Variants in DGKI observed in about 807,000 individuals in gnomAD.
DGKI encodes the protein diacylglycerol kinase iota, also known as DAG kinase iota.
A neutral mutation model predicts 147.5 loss-of-function variants in DGKI; 55 were observed. The observed-to-expected ratio is 0.37, with a 90% CI of 0.30 to 0.47. The LOEUF is 0.47. Ranked by LOEUF, DGKI falls within the 20% of genes least tolerant of loss-of-function variation. The pLI is 1.00. For synonymous variants in DGKI, 469 were observed against 477.1 expected, an observed-to-expected ratio of 0.98 and a Z score of 0.22; for missense variants, 1,007 against 1,323.8, an observed-to-expected ratio of 0.76 and a Z score of 3.71.
At chr7:137,443,266 A>T (rs1372658295) in intron 28 of DGKI, among the ~76,000 whole-genome samples, 5 of 152,192 alleles carry the variant, frequency 3.3e-5, no homozygotes, top group African/African-American at 1.2e-4. Context: ...TCTAGAGGCC[A>T]TCGGAGCAGA....
At chr7:137,725,624 A>AT (rs1184393448) in intron 1 of DGKI, among the ~76,000 whole-genome samples, 28 of 151,930 alleles carry the variant, frequency 1.8e-4, no homozygotes, top group African/African-American at 5.8e-4. Flanking sequence ...AGGTTGTGAT[A>AT]TTTTTCTCAT....
In DGKI at chr7:137,689,954, G is replaced by C; in HGVS notation, c.450C>G (p.Pro150=). ...AGLQHLAPAH[P]LSLPVANGPA... ...GACCATTTGCCACAGGAAGGCTGAG[G>C]GGATGTGCAGGAGCCAGATGCTGGA... Residue 150 remains proline (P), a synonymous_variant, in exon 2 of 33, where the codon CCC becomes CCG. Coordinates refer to ENST00000614521, the MANE Select transcript of DGKI (RefSeq NM_001321708.2). The C allele has an allele frequency of 6.2e-7, 1 of 1,609,966 alleles. No individual in the cohort carries two copies. The highest frequency in any genetic ancestry group is 8.5e-7 in the Non-Finnish European group (1 of 1,178,242).
intron 3 of DGKI, among the ~76,000 whole-genome samples, chr7:137,663,979 C>T (rs1399428761): frequency 6.6e-6 from 1 of 152,128 alleles, no homozygotes; most frequent in African/African-American, 2.4e-5. Flanking sequence ...AGACAAAACC[C>T]CCACCGGGAC....
intron 1 of DGKI, among the ~76,000 whole-genome samples, chr7:137,811,727 T>A (rs1797590312): frequency 6.6e-6 from 1 of 152,224 alleles, no homozygotes; most frequent in Admixed American, 6.5e-5. Context: ...TCTGATTCCA[T>A]ACTGAAGAAG....
At chr7:137,610,064 T>G (rs1304964994) in intron 8 of DGKI, among the ~76,000 whole-genome samples, 1 of 152,096 alleles carries the variant, frequency 6.6e-6, no homozygotes, top group Non-Finnish European at 1.5e-5. Flanking sequence ...TTTGTTTTTT[T>G]TTTCTTAGTT....
chr7:137,620,464 C>G (rs1217559889), intron 7 of DGKI, among the ~76,000 whole-genome samples: 1 of 152,060 alleles, frequency 6.6e-6, no homozygotes, highest in Non-Finnish European at 1.5e-5. Context: ...GATATAAATC[C>G]TCCCAGGTTG....
At chr7:137,676,004 C>A (rs1823024562) in intron 3 of DGKI, among the ~76,000 whole-genome samples, 1 of 152,178 alleles carries the variant, frequency 6.6e-6, no homozygotes, top group African/African-American at 2.4e-5. Context: ...ATCCCCTAAA[C>A]CAACTTGGGC....
intron 27 of DGKI, among the ~76,000 whole-genome samples, chr7:137,453,938 T>TA (rs397781573): frequency 6.6e-6 from 1 of 151,770 alleles, no homozygotes; most frequent in Non-Finnish European, 1.5e-5. Flanking sequence ...TTTTTTTTTT[T>TA]AAATAGATTC....
intron 1 of DGKI, among the ~76,000 whole-genome samples, chr7:137,815,327 C>T (rs1797706707): frequency 6.6e-6 from 1 of 152,170 alleles, no homozygotes; most frequent in Admixed American, 6.6e-5. Context: ...ATTTGAGTTG[C>T]TGGCCCAGCT....
intron 15 of DGKI, among the ~76,000 whole-genome samples, chr7:137,579,886 C>G (rs1403449306): frequency 6.6e-6 from 1 of 152,072 alleles, no homozygotes; most frequent in African/African-American, 2.4e-5. Context: ...TTTGCATATT[C>G]CACTCTAAAA....
At chr7:137,541,189 C>T (rs1817689735) in intron 20 of DGKI, among the ~76,000 whole-genome samples, 1 of 152,042 alleles carries the variant, frequency 6.6e-6, no homozygotes, top group African/African-American at 2.4e-5. Context: ...AAGGCATAAG[C>T]CATAGGTCAA....
intron 5 of DGKI, among the ~76,000 whole-genome samples, chr7:137,650,655 G>T (rs1821993511): frequency 6.6e-6 from 1 of 152,194 alleles, no homozygotes; most frequent in Admixed American, 6.5e-5. Context: ...AGAATACAAT[G>T]AGAAGGTGGC....
chr7:137,487,724 C>G, intron 21 of DGKI, 35 bp from the exon 22 acceptor site: 2 of 1,574,810 alleles, frequency 1.3e-6, no homozygotes, highest in Non-Finnish European at 1.7e-6. Context: ...TCTAAAATAA[C>G]ATATTTGATT....
intron 27 of DGKI, among the ~76,000 whole-genome samples, chr7:137,450,805 T>A (rs948201986): frequency 6.6e-6 from 1 of 151,326 alleles, no homozygotes; most frequent in African/African-American, 2.4e-5. Context: ...ATATATATAT[T>A]TTACTTTGGA....
intron 20 of DGKI, among the ~76,000 whole-genome samples, chr7:137,535,995 G>A (rs560060531): frequency 2.4e-4 from 37 of 152,194 alleles, no homozygotes; most frequent in African/African-American, 8.2e-4. Flanking sequence ...AACAACACTT[G>A]AACTATAAAC....
intron 12 of DGKI, among the ~76,000 whole-genome samples, chr7:137,595,781 A>G (rs1172176190): frequency 6.6e-6 from 1 of 152,038 alleles, no homozygotes; most frequent in Admixed American, 6.6e-5. Flanking sequence ...AGGCAGGTGG[A>G]TCACGAGGTC....
chr7:137,544,079 GC>G (rs1320545785), intron 20 of DGKI, among the ~76,000 whole-genome samples: 7 of 151,998 alleles, frequency 4.6e-5, no homozygotes, highest in Admixed American at 2.6e-4. Flanking sequence ...ACAACTTAGA[GC>G]CTGCTGCACC....
Position 137,391,318 on chromosome 7 carries a change from T to C in DGKI, c.3076A>G (p.Arg1026Gly). The C allele has an allele frequency of 6.2e-7, 1 of 1,609,270 alleles. No homozygotes were observed. The highest frequency in any genetic ancestry group is 8.5e-7 in the Non-Finnish European group (1 of 1,178,272). Residue 1026 changes from arginine (R) to glycine (G), a missense_variant, in exon 33 of 33, where the codon AGA (arginine) becomes GGA (glycine). Arg to Gly is a moderately radical substitution (Grantham distance 125). Around this residue, in one of 5 missense-constraint regions of DGKI, gnomAD observed 385 missense variants for 445.2 expected, o/e 0.86. Coordinates refer to ENST00000614521, the MANE Select transcript of DGKI (RefSeq NM_001321708.2). ...TCTGGGTCCCCAGCCTGCTGTGCTCTTTCTTGAGGTGTCTTACCCTATACG... is the reference window on the plus strand; with the variant it reads ...TCTGGGTCCCCAGCCTGCTGTGCTCCTTCTTGAGGTGTCTTACCCTATACG... ...TDSKGKTPQE[R>G]AQQAGDPDLA...
At chr7:137,833,669 G>A (rs1798282460) in intron 1 of DGKI, among the ~76,000 whole-genome samples, 1 of 152,160 alleles carries the variant, frequency 6.6e-6, no homozygotes, top group Non-Finnish European at 1.5e-5. Flanking sequence ...GAACAAATTG[G>A]CAATCCCTTT....
Sources: gnomAD v4.1 joint callset for allele counts (sites outside exome capture counted in the v4.1 genomes callset) on GRCh38, gnomAD v4.1.1 for gene constraint, gnomAD v4.1.1 regional missense constraint, MANE v1.5 for transcripts, NCBI Gene and HGNC (gene_info 2026-07-23, HGNC 2026-07-21) for gene names.